The following PICALM variants were observed in gnomAD, a reference collection of about 807,000 sequenced individuals.
The protein encoded by PICALM is phosphatidylinositol-binding clathrin assembly protein.
Under a neutral mutation model 80.5 loss-of-function variants are expected in PICALM, and 40 were observed. The ratio of observed to expected loss-of-function variants is 0.50; its 90% CI spans 0.39 to 0.65. PICALM has a LOEUF of 0.65. Among genes scored for constraint, PICALM ranks in the 30% least tolerant of loss-of-function variants. The pLI is 0.00. For synonymous variants in PICALM, 288 were observed against 260.3 expected, an observed-to-expected ratio of 1.11 and a Z score of -1.02; for missense variants, 676 against 778.9, an observed-to-expected ratio of 0.87 and a Z score of 1.57.
intron 6 of PICALM, among the ~76,000 whole-genome samples, chr11:86,011,887 G>C (rs1592895767): frequency 8.5e-6 from 1 of 118,146 alleles, no homozygotes; most frequent in African/African-American, 3.2e-5. Context: ...TTTCGCTCTT[G>C]TTGCCCAGGC....
intron 19 of PICALM, among the ~76,000 whole-genome samples, chr11:85,966,037 G>A (rs554072630): frequency 2.6e-5 from 4 of 151,820 alleles, no homozygotes; most frequent in African/African-American, 7.2e-5. Flanking sequence ...GCCTGGTTTC[G>A]AACTCTTGAC....
chr11:85,975,833 G>A (rs922662848), intron 18 of PICALM, among the ~76,000 whole-genome samples: 3 of 152,014 alleles, frequency 2.0e-5, no homozygotes, highest in African/African-American at 7.2e-5. Flanking sequence ...CCAACCTCAG[G>A]TGATCCACCC....
intron 8 of PICALM, 175 bp downstream of exon 8, chr11:86,007,367 A>G (rs1342132617): frequency 4.7e-6 from 2 of 421,260 alleles, no homozygotes; most frequent in Non-Finnish European, 9.0e-6. Context: ...TGGTAAGCAG[A>G]TCATTTTACG....
chr11:86,068,769 C>T lies in PICALM; in HGVS notation c.12G>A (p.Gln4=), dbSNP rs2096483991. 2 of 1,609,326 alleles carry T rather than the reference C, an allele frequency of 1.2e-6. No individual in the cohort carries two copies. The highest frequency in any genetic ancestry group is 1.7e-4 in the Middle Eastern group (1 of 6,054). The change falls in exon 1 of 20, where the codon CAG becomes CAA. Residue 4 remains glutamine (Q), a synonymous_variant. Coordinates refer to ENST00000393346, the MANE Select transcript of PICALM (RefSeq NM_007166.4). ...CGGCAGTGATTCGGTCCGTCAGGCT[C>T]TGGCCGGACATCTCTGCAGCTCCTC... MSG[Q]SLTDRITAAQ...
intron 1 of PICALM, 122 bp downstream of exon 1, chr11:86,068,529 G>A: frequency 2.2e-6 from 2 of 906,380 alleles, no homozygotes; most frequent in Non-Finnish European, 3.3e-6. Flanking sequence ...AGGACCGGCC[G>A]TGCCAGAGAA....
chr11:86,030,260 T>A (rs1031781794), intron 2 of PICALM, among the ~76,000 whole-genome samples: 1 of 152,190 alleles, frequency 6.6e-6, no homozygotes, highest in East Asian at 1.9e-4. Flanking sequence ...GTGCCAAAAG[T>A]AAGATGTGCT....
intron 1 of PICALM, among the ~76,000 whole-genome samples, chr11:86,064,036 T>G (rs997197534): frequency 1.3e-5 from 2 of 152,236 alleles, no homozygotes; most frequent in African/African-American, 4.8e-5. Flanking sequence ...AAGATATTAT[T>G]AACTGAGACA....
At chr11:86,018,111 A>G (rs1195060660) in intron 4 of PICALM, among the ~76,000 whole-genome samples, 1 of 152,226 alleles carries the variant, frequency 6.6e-6, no homozygotes, top group East Asian at 1.9e-4. Context: ...ATTGGTGTGA[A>G]GCTAGAATTC....
chr11:85,967,187 G>T (rs2093930205), intron 19 of PICALM, among the ~76,000 whole-genome samples: 1 of 152,130 alleles, frequency 6.6e-6, no homozygotes, highest in African/African-American at 2.4e-5. Context: ...AGTTAAAGTT[G>T]GAGTAGAGAA....
chr11:86,013,328 A>G (rs1047482959), intron 5 of PICALM, among the ~76,000 whole-genome samples: 1 of 152,182 alleles, frequency 6.6e-6, no homozygotes, highest in Non-Finnish European at 1.5e-5. Flanking sequence ...AAAACAAAAA[A>G]AAGATGAAAA....
chr11:85,962,535 C>A (rs918938222), intron 19 of PICALM, among the ~76,000 whole-genome samples: 3 of 152,154 alleles, frequency 2.0e-5, no homozygotes, highest in South Asian at 2.1e-4. Flanking sequence ...ACGGAAGAGA[C>A]AAATCTATTT....
At chr11:85,981,084 C>T (rs1350068726) in intron 17 of PICALM, 45 bp downstream of exon 17, 1 of 890,402 alleles carries the variant, frequency 1.1e-6, no homozygotes, top group Non-Finnish European at 1.9e-6. Flanking sequence ...ACATATTTAA[C>T]TAAATTATTC....
At chr11:86,021,287 A>AC (rs1224029344) in intron 4 of PICALM, among the ~76,000 whole-genome samples, 2 of 152,178 alleles carry the variant, frequency 1.3e-5, no homozygotes, top group African/African-American at 2.4e-5. Flanking sequence ...GGAGGTCGAC[A>AC]CTGCAGTGAG....
chr11:85,972,894 T>C (rs919722787), intron 19 of PICALM, among the ~76,000 whole-genome samples: 1 of 152,216 alleles, frequency 6.6e-6, no homozygotes, highest in Non-Finnish European at 1.5e-5. Context: ...ATCATCCATA[T>C]ACTTCTTAAA....
In PICALM at chr11:85,986,365, A is replaced by ATTTTTTTTTTTTTT. The variant is rs775072780; in HGVS notation, c.1409-2406_1409-2393dup. Among the ~76,000 whole-genome samples the ATTTTTTTTTTTTTT allele has an allele frequency of 3.3e-4, 24 of 73,746 alleles. 4 individuals carry two copies. Among genetic ancestry groups the ATTTTTTTTTTTTTT allele is most frequent in the East Asian group, 2.2e-3 (4 of 1,800 alleles). The allele number at this position is 73,746 out of a possible 152,430, so 48.4% of individuals were successfully genotyped here. On this transcript the variant is annotated intron_variant, in intron 13 of 19. Transcript: ENST00000393346. ...AAACTATCAGGACTGCCAACTTTTAATTTTTTTTTTTTTTTTTTTTTTTTT... is the reference window on the plus strand; with the variant it reads ...AAACTATCAGGACTGCCAACTTTTAATTTTTTTTTTTTTTTTTTTTTTTTTTTTTTTTTTTTTTT...
intron 1 of PICALM, among the ~76,000 whole-genome samples, chr11:86,045,213 T>G (rs1418460562): frequency 6.6e-6 from 1 of 152,076 alleles, no homozygotes; most frequent in African/African-American, 2.4e-5. Context: ...TTTTTCCTAA[T>G]AAGTTTAATA....
At position 85,969,497 on chromosome 11, in the gene PICALM, T is replaced by G. The variant is rs116218937; in HGVS notation, c.1944+5211A>C. 8.3e-3 allele frequency among the ~76,000 whole-genome samples: 1,262 copies of G among 152,258 alleles called. 21 individuals carry two copies. Among genetic ancestry groups the G allele is most frequent in the African/African-American group, 0.028 (1,174 of 41,544 alleles). ...ATGGATGATCTCTGCCCTTAATAAT[T>G]TTTTAATCCAATTGAAAAAAAGGGA... On this transcript the variant is annotated intron_variant, in intron 19 of 19. Transcript: ENST00000393346.
chr11:86,064,040 T>C (rs1376116680), intron 1 of PICALM, among the ~76,000 whole-genome samples: 1 of 152,222 alleles, frequency 6.6e-6, no homozygotes, highest in African/African-American at 2.4e-5. Flanking sequence ...TATTATTAAC[T>C]GAGACATTAA....
chr11:86,026,229 C>T (rs1233374850), intron 3 of PICALM, 63 bp downstream of exon 3: 1 of 873,768 alleles, frequency 1.1e-6, no homozygotes, highest in Middle Eastern at 2.2e-4. Context: ...GAGTTCTACT[C>T]TGGAGTAATC....
Sources: allele counts gnomAD v4.1 joint callset (sites outside exome capture counted in the v4.1 genomes callset), GRCh38; gene constraint gnomAD v4.1.1; transcripts MANE v1.5; gene names NCBI Gene and HGNC (gene_info 2026-07-23, HGNC 2026-07-21).